The following LRP1B variants were observed in gnomAD, a reference collection of about 807,000 sequenced individuals.
LRP1B encodes LDL receptor related protein 1B, also known as low-density lipoprotein receptor-related protein 1B.
LRP1B carries 217 observed loss-of-function variants against 556.6 expected under a neutral mutation model. The ratio of observed to expected loss-of-function variants is 0.39; its 90% CI spans 0.35 to 0.44. The LOEUF (loss-of-function observed/expected upper bound fraction) is 0.44. LRP1B is among the 20% of genes least tolerant of loss of function. The probability of loss-of-function intolerance (pLI) is 1.00; values close to 1 mark genes in which losing one functional copy is unlikely to be tolerated. For synonymous variants in LRP1B, 2,047 were observed against 1,865.8 expected (o/e 1.10, Z -2.50); for missense variants, 5,053 against 5,620.8 (o/e 0.90, Z 3.23).
chr2:141,038,139 TA>T (rs34603242), intron 11 of LRP1B, among the ~76,000 whole-genome samples: 9,888 of 148,880 alleles, frequency 0.066, 505 homozygotes, highest in African/African-American at 0.14. Context: ...TAAAAATAAT[TA>T]AAAAAAAAAT....
chr2:140,533,531 G>A (rs1474748147), intron 47 of LRP1B, among the ~76,000 whole-genome samples: 1 of 152,074 alleles, frequency 6.6e-6, no homozygotes, highest in African/African-American at 2.4e-5. Flanking sequence ...ACCAGGTAAA[G>A]GCATACTCTG....
intron 41 of LRP1B, among the ~76,000 whole-genome samples, chr2:140,624,048 A>G (rs1379904377): frequency 1.3e-5 from 2 of 149,062 alleles, no homozygotes; most frequent in Non-Finnish European, 3.0e-5. Flanking sequence ...TCCAAGCCAC[A>G]TGGTTTAAAA....
intron 32 of LRP1B, among the ~76,000 whole-genome samples, chr2:140,790,686 A>C (rs895858162): frequency 6.6e-5 from 10 of 152,196 alleles, no homozygotes; most frequent in Non-Finnish European, 1.3e-4. Context: ...GTCAGAGATT[A>C]AGATTTCCTT....
At chr2:140,333,846 G>GA (rs1680939798) in intron 79 of LRP1B, among the ~76,000 whole-genome samples, 1 of 151,860 alleles carries the variant, frequency 6.6e-6, no homozygotes, top group African/African-American at 2.4e-5. Context: ...GGAGCTGGGA[G>GA]AAAAATGGCA....
At chr2:141,517,225 C>A (rs1684353173) in intron 2 of LRP1B, among the ~76,000 whole-genome samples, 1 of 119,378 alleles carries the variant, frequency 8.4e-6, no homozygotes, top group Non-Finnish European at 1.7e-5. Flanking sequence ...CTTTTTGTGG[C>A]CTTTAGATTG....
chr2:140,257,005 C>G (rs150605026), intron 86 of LRP1B, among the ~76,000 whole-genome samples: 101 of 152,008 alleles, frequency 6.6e-4, no homozygotes, highest in African/African-American at 2.2e-3. Flanking sequence ...TTTTTCTACT[C>G]CTTTAACATG....
intron 2 of LRP1B, among the ~76,000 whole-genome samples, chr2:141,732,918 T>C (rs925599164): frequency 3.3e-5 from 5 of 151,914 alleles, no homozygotes; most frequent in African/African-American, 9.7e-5. Context: ...AATGGAAAAA[T>C]GTCAAAGTGA....
chr2:141,678,105 G>A (rs1414103647), intron 2 of LRP1B, among the ~76,000 whole-genome samples: 2 of 152,250 alleles, frequency 1.3e-5, no homozygotes, highest in East Asian at 1.9e-4. Flanking sequence ...AAGTTTGAGA[G>A]GTTTGTGAGA....
intron 2 of LRP1B, among the ~76,000 whole-genome samples, chr2:141,649,831 A>G (rs1250791464): frequency 6.6e-6 from 1 of 152,192 alleles, no homozygotes; most frequent in East Asian, 1.9e-4. Flanking sequence ...GTCCAAGAAA[A>G]TGAATATTAA....
intron 72 of LRP1B, among the ~76,000 whole-genome samples, chr2:140,361,073 A>G (rs999056049): frequency 7.3e-5 from 11 of 151,056 alleles, no homozygotes; most frequent in African/African-American, 2.7e-4. Flanking sequence ...TTTTCTCCCC[A>G]TTAATATTTA....
At chr2:141,251,487 T>C (rs380870) in intron 4 of LRP1B, among the ~76,000 whole-genome samples, 32,720 of 152,020 alleles carry the variant, frequency 0.22, 3,603 homozygotes, top group South Asian at 0.25. Context: ...TGAGTATTTC[T>C]AGTTTTGTTT....
intron 3 of LRP1B, among the ~76,000 whole-genome samples, chr2:141,479,088 TC>T (rs1682819003): frequency 2.0e-5 from 3 of 152,148 alleles, no homozygotes; most frequent in Admixed American, 2.0e-4. Context: ...AATTGGACCT[TC>T]CTTTAGAAAG....
At chr2:142,091,966 G>C (rs1706189458) in intron 1 of LRP1B, among the ~76,000 whole-genome samples, 1 of 152,090 alleles carries the variant, frequency 6.6e-6, no homozygotes, top group Non-Finnish European at 1.5e-5. Context: ...TCTACTTTGA[G>C]TAGAGAAGCT....
At chr2:140,922,336 T>G (rs920542027) in intron 21 of LRP1B, among the ~76,000 whole-genome samples, 1 of 151,416 alleles carries the variant, frequency 6.6e-6, no homozygotes, top group Non-Finnish European at 1.5e-5. Flanking sequence ...GAAACCAAAA[T>G]GGAACAGTCA....
chr2:140,341,546 C>A (rs1053792460), intron 77 of LRP1B, among the ~76,000 whole-genome samples: 4 of 151,262 alleles, frequency 2.6e-5, no homozygotes, highest in Non-Finnish European at 5.9e-5. Context: ...TAAGTAGTGT[C>A]TTTTTAATAA....
At chr2:141,978,742 T>C (rs141728836) in intron 1 of LRP1B, among the ~76,000 whole-genome samples, 1 of 152,174 alleles carries the variant, frequency 6.6e-6, no homozygotes, top group East Asian at 1.9e-4. Context: ...TAAAAAAACA[T>C]CATCATTTTT....
At chr2:141,555,060 G>T (rs910234502) in intron 2 of LRP1B, among the ~76,000 whole-genome samples, 5 of 151,970 alleles carry the variant, frequency 3.3e-5, no homozygotes, top group African/African-American at 4.8e-5. Flanking sequence ...ATGCCCAGAC[G>T]TTCAACTTCC....
chr2:141,745,615 C>G (rs1051499794), intron 2 of LRP1B, among the ~76,000 whole-genome samples: 1 of 150,780 alleles, frequency 6.6e-6, no homozygotes, highest in Non-Finnish European at 1.5e-5. Flanking sequence ...TCCAGAAATG[C>G]CATCCAAGAG....
At chr2:140,352,894 T>C in intron 76 of LRP1B, 59 bp downstream of exon 76, 2 of 1,489,604 alleles carry the variant, frequency 1.3e-6, no homozygotes, top group Non-Finnish European at 1.8e-6. Context: ...AACATTTTTC[T>C]CCATAAAATG....
Sources: gnomAD v4.1 joint callset for allele counts (sites outside exome capture counted in the v4.1 genomes callset) on GRCh38, gnomAD v4.1.1 for gene constraint, MANE v1.5 for transcripts, NCBI Gene and HGNC (gene_info 2026-07-23, HGNC 2026-07-21) for gene names.